Variants in GOLGA4 observed in about 807,000 individuals in gnomAD.
GOLGA4 encodes the protein golgin subfamily A member 4.
Under a neutral mutation model 265.9 loss-of-function variants are expected in GOLGA4, and 169 were observed. The ratio of observed to expected loss-of-function variants is 0.64; its 90% CI spans 0.56 to 0.72. GOLGA4 has a LOEUF of 0.72. Among genes scored for constraint, GOLGA4 ranks in the 30% least tolerant of loss-of-function variants. The pLI is 0.00. For missense variants in GOLGA4, 2,482 were observed against 2,483.4 expected, an observed-to-expected ratio of 1.00 and a Z score of 0.01; for synonymous variants, 923 against 855.8, an observed-to-expected ratio of 1.08 and a Z score of -1.37.
intron 2 of GOLGA4, among the ~76,000 whole-genome samples, chr3:37,273,315 A>C (rs531574698): frequency 6.6e-6 from 1 of 152,202 alleles, no homozygotes; most frequent in African/African-American, 2.4e-5. Context: ...AATCTTTGCT[A>C]TTGAGTTCTG....
At chr3:37,337,383 G>T (rs898714968) in intron 18 of GOLGA4, among the ~76,000 whole-genome samples, 1 of 151,530 alleles carries the variant, frequency 6.6e-6, no homozygotes, top group African/African-American at 2.4e-5. Flanking sequence ...TTTAATTTTT[G>T]TATTTTTAGT....
chr3:37,245,689 G>T (rs1182725978), intron 1 of GOLGA4, among the ~76,000 whole-genome samples: 1 of 152,016 alleles, frequency 6.6e-6, no homozygotes, highest in African/African-American at 2.4e-5. Context: ...GTGAGACAGG[G>T]CATCTGGATC....
At chr3:37,262,137 G>T (rs1394966157) in intron 2 of GOLGA4, among the ~76,000 whole-genome samples, 1 of 152,088 alleles carries the variant, frequency 6.6e-6, no homozygotes, top group African/African-American at 2.4e-5. Flanking sequence ...TTCTTAAAAA[G>T]AACAGAAAAT....
At position 37,306,705 on chromosome 3, in the gene GOLGA4, A is replaced by G. The variant is rs150954760; in HGVS notation, c.1234+4373A>G. Among the ~76,000 whole-genome samples the G allele has an allele frequency of 3.3e-5, 5 of 152,066 alleles. No homozygotes were observed. In the East Asian group the frequency reaches 5.8e-4, roughly 18 times the overall value. ...AATAATACGGCACATTCAATTTTGTATGTTCTTCTCCCCCATTTAGCATTA... is the reference window on the plus strand; with the variant it reads ...AATAATACGGCACATTCAATTTTGTGTGTTCTTCTCCCCCATTTAGCATTA... On this transcript the variant is annotated intron_variant, in intron 10 of 23. Transcript: ENST00000361924.
At chr3:37,342,356 A>AT (rs2097038697) in intron 20 of GOLGA4, among the ~76,000 whole-genome samples, 1 of 152,158 alleles carries the variant, frequency 6.6e-6, no homozygotes. Flanking sequence ...AAATAAATAA[A>AT]GAGTAAATTG....
chr3:37,294,165 G>A (rs1314236414), intron 5 of GOLGA4, among the ~76,000 whole-genome samples: 1 of 152,128 alleles, frequency 6.6e-6, no homozygotes, highest in Admixed American at 6.5e-5. Context: ...GCTCATTAAT[G>A]ACCTAAAGAA....
At chr3:37,348,522 G>A (rs763995683) in intron 21 of GOLGA4, among the ~76,000 whole-genome samples, 5 of 151,996 alleles carry the variant, frequency 3.3e-5, no homozygotes, top group Non-Finnish European at 7.4e-5. Flanking sequence ...GTCCCTATGG[G>A]ACATACACTA....
intron 5 of GOLGA4, 88 bp from the exon 6 acceptor site, chr3:37,294,891 A>G: frequency 1.4e-6 from 1 of 723,366 alleles, no homozygotes. Context: ...GGGAATGCAA[A>G]TCTGTATTCA....
intron 2 of GOLGA4, among the ~76,000 whole-genome samples, chr3:37,253,744 C>T (rs889912177): frequency 3.3e-5 from 5 of 151,930 alleles, no homozygotes; most frequent in Middle Eastern, 3.4e-3. Flanking sequence ...AGCAGTCAGC[C>T]GGGCATGGTG....
chr3:37,275,985 A>G (rs930917375), intron 2 of GOLGA4: 3 of 1,613,556 alleles, frequency 1.9e-6, no homozygotes, highest in Non-Finnish European at 2.5e-6. Flanking sequence ...ATTACATCGC[A>G]GAACAGCCCT....
At position 37,276,467 on chromosome 3, in the gene GOLGA4, G is replaced by A; in HGVS notation, c.163-5491G>A. Reference sequence around the variant, plus strand: ...GGCCAAGACTGGTGGGACCCAGACTGACTTGTTCACATGTGGCAAATGTAA... The same window carrying A: ...GGCCAAGACTGGTGGGACCCAGACTAACTTGTTCACATGTGGCAAATGTAA... On this transcript the variant is annotated intron_variant, in intron 2 of 23. Coordinates refer to ENST00000361924, the MANE Select transcript of GOLGA4 (RefSeq NM_002078.5). The A allele has an allele frequency of 1.2e-5, 20 of 1,610,806 alleles. No individual in the cohort carries two copies. The South Asian group carries it at 2.1e-4, about 17-fold the overall frequency.
intron 2 of GOLGA4, among the ~76,000 whole-genome samples, chr3:37,271,131 G>C (rs536569122): frequency 2.0e-5 from 3 of 152,288 alleles, no homozygotes; most frequent in South Asian, 4.1e-4. Context: ...ACGGGGAGCA[G>C]GTGTAAATGC....
chr3:37,344,578 C>T (rs2097050130), intron 20 of GOLGA4, among the ~76,000 whole-genome samples: 1 of 151,178 alleles, frequency 6.6e-6, no homozygotes, highest in South Asian at 2.1e-4. Context: ...AGTGATCCTC[C>T]TGCCTTGGCT....
At chr3:37,306,005 T>C (rs973931907) in intron 10 of GOLGA4, among the ~76,000 whole-genome samples, 6 of 152,226 alleles carry the variant, frequency 3.9e-5, no homozygotes, top group African/African-American at 1.4e-4. Context: ...TCTGAATGTC[T>C]TTGATTTTAA....
Position 37,364,592 on chromosome 3 carries a change from C to CT in GOLGA4, c.*34-1472dup, listed in dbSNP as rs554906288. Among the ~76,000 whole-genome samples, 683 of 128,342 alleles carry CT rather than the reference C, an allele frequency of 5.3e-3. 3 individuals are homozygous for CT. The highest frequency in any genetic ancestry group is 0.014 in the Middle Eastern group (3 of 210). The allele number at this position is 128,342 out of a possible 152,430, so 84.2% of individuals were successfully genotyped here. On this transcript the variant is annotated intron_variant, in intron 23 of 23. Transcript: ENST00000361924. The stretch of plus-strand genomic sequence containing the variant: ...GAGGAAGACTTTGGCTATGTCATAG[C>CT]TTTTTTTTTTTTTTTTGCCCCCCAG...
intron 7 of GOLGA4, 84 bp from the exon 8 acceptor site, chr3:37,298,749 T>C: frequency 1.1e-6 from 1 of 894,322 alleles, no homozygotes; most frequent in Non-Finnish European, 1.8e-6. Flanking sequence ...AGATTAGATC[T>C]CTTTGACTGT....
In GOLGA4 at chr3:37,282,094, A is replaced by G; in HGVS notation, c.299A>G (p.Glu100Gly). 1 of 1,614,204 alleles carries G rather than the reference A, an allele frequency of 6.2e-7. No homozygotes were observed. Among genetic ancestry groups the G allele is most frequent in the South Asian group, 1.1e-5 (1 of 91,086 alleles). ...TCTTTGGTACGAACATCTTCCAGAG[A>G]ATCCCTGAATCGACTTGACCTGGAC... ...KESLVRTSSR[E>G]SLNRLDLDSS... The change falls in exon 3 of 24, where the codon GAA becomes GGA. Residue 100 changes from glutamate (E) to glycine (G), a missense_variant. Glu to Gly is a moderately conservative substitution (Grantham distance 98). Coordinates refer to ENST00000361924, the MANE Select transcript of GOLGA4 (RefSeq NM_002078.5).
At position 37,251,413 on chromosome 3, in the gene GOLGA4, A is replaced by G. The variant is rs1387423500; in HGVS notation, c.91A>G (p.Thr31Ala). ...APAQASSNSS[T>A]PTRMRSRTSS... ...AATCTAGGCGTCCTCCAATTCTTCAACACCAACAAGAATGAGGAGCAGGAC... is the reference window on the plus strand; with the variant it reads ...AATCTAGGCGTCCTCCAATTCTTCAGCACCAACAAGAATGAGGAGCAGGAC... The change falls in exon 2 of 24, where the codon ACA (threonine) becomes GCA (alanine). Residue 31 changes from threonine (T) to alanine (A), a missense_variant. By Grantham distance (58) the Thr-to-Ala change is moderately conservative (BLOSUM62 0). Transcript: ENST00000361924. The G allele has an allele frequency of 1.1e-5, 18 of 1,611,488 alleles. No homozygotes were observed. Among genetic ancestry groups the G allele is most frequent in the Admixed American group, 1.0e-4 (6 of 60,008 alleles).
intron 21 of GOLGA4, among the ~76,000 whole-genome samples, chr3:37,353,805 T>G (rs1210085689): frequency 1.3e-5 from 2 of 152,002 alleles, no homozygotes; most frequent in African/African-American, 4.8e-5. Flanking sequence ...TTTCCCAGGC[T>G]AGTCTCTAAA....
Sources: allele counts gnomAD v4.1 joint callset (sites outside exome capture counted in the v4.1 genomes callset), GRCh38; gene constraint gnomAD v4.1.1; transcripts MANE v1.5; gene names NCBI Gene and HGNC (gene_info 2026-07-23, HGNC 2026-07-21).